Variants in HDAC9 observed in about 807,000 individuals in gnomAD.
HDAC9 encodes the protein MEF-2 interacting transcription repressor (MITR) protein.
HDAC9 carries 41 observed loss-of-function variants against 139.4 expected under a neutral mutation model. That is an observed-to-expected ratio of 0.29 (90% CI 0.23 to 0.38). The LOEUF is 0.38. Among genes scored for constraint, HDAC9 ranks in the 10% least tolerant of loss-of-function variants. HDAC9 has a pLI of 1.00. For synonymous variants in HDAC9, 517 were observed against 476.2 expected (o/e 1.09, Z -1.12); for missense variants, 1,147 against 1,297.0 (o/e 0.88, Z 1.78).
At chr7:18,389,032 G>A (rs144190815) in intron 1 of HDAC9, among the ~76,000 whole-genome samples, 117 of 152,222 alleles carry the variant, frequency 7.7e-4, no homozygotes, top group African/African-American at 2.7e-3. Context: ...CCTCTTGTTC[G>A]CTGAAGCTGC....
At chr7:18,178,388 C>A (rs927729663) in intron 2 of HDAC9, among the ~76,000 whole-genome samples, 1 of 152,192 alleles carries the variant, frequency 6.6e-6, no homozygotes, top group Non-Finnish European at 1.5e-5. Context: ...CCCGGCCCCC[C>A]TCTTTCTAAG....
At chr7:18,289,348 C>T (rs548305852), upstream of HDAC9, among the ~76,000 whole-genome samples, 1 of 152,078 alleles carries the variant, frequency 6.6e-6, no homozygotes, top group Non-Finnish European at 1.5e-5. Context: ...TTTTTCCTTT[C>T]TTTATTTTAT....
chr7:18,255,996 A>G (rs1795217103), intron 2 of HDAC9, among the ~76,000 whole-genome samples: 1 of 152,152 alleles, frequency 6.6e-6, no homozygotes, highest in Admixed American at 6.5e-5. Context: ...CAGTTTAAAA[A>G]GCCTTAATTG....
At chr7:18,819,610 C>A (rs1415660258) in intron 17 of HDAC9, among the ~76,000 whole-genome samples, 2 of 151,962 alleles carry the variant, frequency 1.3e-5, no homozygotes. Flanking sequence ...CGCATATGGT[C>A]CCACCGGAAA....
intron 21 of HDAC9, among the ~76,000 whole-genome samples, chr7:18,867,605 G>GT (rs764656094): frequency 2.6e-5 from 4 of 152,176 alleles, no homozygotes; most frequent in East Asian, 1.9e-4. Context: ...TTGAGGACAC[G>GT]TTTTTTCTTT....
chr7:18,825,078 A>T (rs1425479039), intron 17 of HDAC9, among the ~76,000 whole-genome samples: 1 of 152,210 alleles, frequency 6.6e-6, no homozygotes, highest in Non-Finnish European at 1.5e-5. Context: ...CAGAAGTTTG[A>T]TTTTGGTATA....
chr7:18,112,481 A>G (rs1180903858), intron 1 of HDAC9, among the ~76,000 whole-genome samples: 1 of 152,204 alleles, frequency 6.6e-6, no homozygotes, highest in East Asian at 1.9e-4. Flanking sequence ...GTTGCTCTCA[A>G]TATTGATGAG....
intron 1 of HDAC9, among the ~76,000 whole-genome samples, chr7:18,345,498 G>A (rs1782337651): frequency 6.7e-6 from 1 of 150,050 alleles, no homozygotes; most frequent in African/African-American, 2.5e-5. Context: ...TTCATTTAAT[G>A]AATTGTTGTT....
intron 6 of HDAC9, among the ~76,000 whole-genome samples, chr7:18,616,507 AT>A (rs1838641439): frequency 6.6e-6 from 1 of 152,168 alleles, no homozygotes; most frequent in Admixed American, 6.5e-5. Context: ...TTTGCCTTTT[AT>A]ATCCATTCAA....
intron 1 of HDAC9, among the ~76,000 whole-genome samples, chr7:18,115,262 C>T (rs1197939384): frequency 1.3e-5 from 2 of 150,006 alleles, no homozygotes; most frequent in Non-Finnish European, 3.0e-5. Flanking sequence ...CACTGCACTC[C>T]AGCCTAGGTG....
rs574679319 is a variant in HDAC9 at position 18,781,314 on chromosome 7, G to C, written c.2215-12031G>C. 3.9e-5 allele frequency among the ~76,000 whole-genome samples: 6 copies of C among 152,106 alleles called. No homozygotes were observed. The South Asian group carries it at 1.2e-3, about 32-fold the overall frequency. The stretch of plus-strand genomic sequence containing the variant: ...ATAACGATATTAATGTCCAGGGTTG[G>C]CTTTGGTTGAAACCCCAGCTCTTCA... On this transcript the variant is annotated intron_variant, in intron 16 of 25. Transcript: ENST00000686413.
intron 1 of HDAC9, among the ~76,000 whole-genome samples, chr7:18,139,289 C>T (rs116070683): frequency 0.042 from 6,372 of 151,920 alleles, 434 homozygotes; most frequent in African/African-American, 0.15. Context: ...CCACGACTGG[C>T]TAATTTTTGT....
At chr7:18,435,835 A>G (rs953529308) in intron 1 of HDAC9, among the ~76,000 whole-genome samples, 2 of 151,018 alleles carry the variant, frequency 1.3e-5, no homozygotes, top group South Asian at 2.1e-4. Context: ...ACATGGAAAG[A>G]TGTCCAAGAC....
In HDAC9 at chr7:18,938,776, C is replaced by T. The variant is rs1426242432; in HGVS notation, c.2937+2834C>T. Among the ~76,000 whole-genome samples, 4 of 152,132 alleles carry T rather than the reference C, an allele frequency of 2.6e-5. No individual in the cohort carries two copies. In the East Asian group the frequency reaches 7.7e-4, roughly 29 times the overall value. ...TGGTCAGAGTTTGAACATTAATAAT[C>T]TACTGCATATTGCAAAAGATAGTCA... On this transcript the variant is annotated intron_variant, in intron 23 of 25. Coordinates refer to ENST00000686413, the MANE Select transcript of HDAC9 (RefSeq NM_178425.4).
intron 12 of HDAC9, chr7:18,668,437 A>G (rs2129081197): frequency 2.1e-6 from 2 of 948,894 alleles, no homozygotes; most frequent in Non-Finnish European, 2.5e-6. Context: ...TAAAAAAGGG[A>G]TAGTGCATCT....
chr7:18,259,703 C>T (rs896446897), intron 2 of HDAC9, among the ~76,000 whole-genome samples: 5 of 152,104 alleles, frequency 3.3e-5, no homozygotes, highest in Non-Finnish European at 7.4e-5. Context: ...TGTGAGGATT[C>T]ATGAAGTGTT....
chr7:18,144,680 C>T (rs1406186985), intron 1 of HDAC9, among the ~76,000 whole-genome samples: 2 of 152,088 alleles, frequency 1.3e-5, no homozygotes, highest in Non-Finnish European at 2.9e-5. Flanking sequence ...CTCTCCTTTT[C>T]GTGATCTGCC....
chr7:18,148,039 T>A (rs1262303272), intron 1 of HDAC9, among the ~76,000 whole-genome samples: 10 of 152,198 alleles, frequency 6.6e-5, no homozygotes, highest in Non-Finnish European at 1.5e-4. Flanking sequence ...TTCTACATTG[T>A]CTTGCTGTTA....
At position 18,725,178 on chromosome 7, in the gene HDAC9, T is replaced by G. The variant is rs1785444457; in HGVS notation, c.1732-2402T>G. 7.9e-5 allele frequency among the ~76,000 whole-genome samples: 12 copies of G among 151,934 alleles called. 1 individual carries two copies. The South Asian group carries it at 2.3e-3, about 29-fold the overall frequency. ...CCCACAAAACATTTTAAATTTTAAT[T>G]TCTTAATCAGAAAAAAATGAATCTA... On this transcript the variant is annotated intron_variant, in intron 12 of 25. Coordinates refer to ENST00000686413, the MANE Select transcript of HDAC9 (RefSeq NM_178425.4).
Sources: allele counts gnomAD v4.1 joint callset (sites outside exome capture counted in the v4.1 genomes callset), GRCh38; gene constraint gnomAD v4.1.1; transcripts MANE v1.5; gene names NCBI Gene and HGNC (gene_info 2026-07-23, HGNC 2026-07-21).